The following WWC2 variants were observed in gnomAD, a reference collection of about 807,000 sequenced individuals.
WWC2 encodes WW and C2 domain containing 2.
WWC2 carries 101 observed loss-of-function variants against 138.5 expected under a neutral mutation model. The observed-to-expected ratio is 0.73, with a 90% confidence interval of 0.62 to 0.86. The LOEUF is 0.86. Among genes scored for constraint, WWC2 ranks in the 40% least tolerant of loss-of-function variants. WWC2 has a pLI of 0.00. For missense variants in WWC2, 1,420 were observed against 1,419.4 expected (o/e 1.00, Z -0.01); for synonymous variants, 558 against 538.4 (o/e 1.04, Z -0.50).
intron 4 of WWC2, among the ~76,000 whole-genome samples, chr4:183,215,818 A>T (rs1224681315): frequency 6.6e-6 from 1 of 152,188 alleles, no homozygotes; most frequent in African/African-American, 2.4e-5. Context: ...ATACATCCTA[A>T]TTCTTAAATG....
At chr4:183,265,228 C>T (rs1002823097) in intron 12 of WWC2, 121 bp downstream of exon 12, 12 of 1,335,422 alleles carry the variant, frequency 9.0e-6, no homozygotes, top group African/African-American at 1.5e-5. Flanking sequence ...GGACTTTAGC[C>T]GTTAAAGAAG....
intron 6 of WWC2, among the ~76,000 whole-genome samples, chr4:183,248,457 C>T (rs1736863952): frequency 6.6e-6 from 1 of 152,200 alleles, no homozygotes; most frequent in Non-Finnish European, 1.5e-5. Flanking sequence ...TTTAAAGATA[C>T]CGTTCATAGG....
chr4:183,180,175 A>C (rs983650576), intron 1 of WWC2, among the ~76,000 whole-genome samples: 1 of 152,164 alleles, frequency 6.6e-6, no homozygotes, highest in African/African-American at 2.4e-5. Flanking sequence ...TGCACGTGTT[A>C]AAGATATTTT....
At chr4:183,136,375 C>A (rs1228185392) in intron 1 of WWC2, among the ~76,000 whole-genome samples, 3 of 152,170 alleles carry the variant, frequency 2.0e-5, no homozygotes, top group Non-Finnish European at 2.9e-5. Flanking sequence ...TGTGTCTAAT[C>A]TGCTGTGAAA....
intron 1 of WWC2, among the ~76,000 whole-genome samples, chr4:183,101,807 A>G (rs1177688888): frequency 6.6e-6 from 1 of 152,216 alleles, no homozygotes; most frequent in Non-Finnish European, 1.5e-5. Context: ...TCTGAAAGAA[A>G]AACAACTTGA....
At chr4:183,309,304 C>T (rs1030249607) in intron 21 of WWC2, among the ~76,000 whole-genome samples, 16 of 152,138 alleles carry the variant, frequency 1.1e-4, no homozygotes, top group Non-Finnish European at 2.2e-4. Context: ...GGAAACAAGC[C>T]ACACGTTGGG....
intron 1 of WWC2, among the ~76,000 whole-genome samples, chr4:183,172,769 G>T (rs1734332796): frequency 6.6e-6 from 1 of 151,644 alleles, no homozygotes; most frequent in South Asian, 2.1e-4. Context: ...AAATTTTCTT[G>T]CACTAGTATT....
intron 1 of WWC2, among the ~76,000 whole-genome samples, chr4:183,144,975 A>G (rs747548322): frequency 6.6e-6 from 1 of 152,216 alleles, no homozygotes; most frequent in Non-Finnish European, 1.5e-5. Context: ...AGAAATCACA[A>G]CCTAAGGGAG....
intron 4 of WWC2, among the ~76,000 whole-genome samples, chr4:183,221,517 G>C (rs892252653): frequency 2.0e-5 from 3 of 152,090 alleles, no homozygotes; most frequent in Non-Finnish European, 4.4e-5. Flanking sequence ...ATGAAAAGAA[G>C]TCTCAGTACA....
chr4:183,295,143 C>T (rs1457276016), intron 21 of WWC2, among the ~76,000 whole-genome samples: 3 of 152,172 alleles, frequency 2.0e-5, no homozygotes, highest in Non-Finnish European at 2.9e-5. Flanking sequence ...TAAAAACACA[C>T]ACACACCTCC....
chr4:183,147,429 G>A (rs774404798), intron 1 of WWC2, among the ~76,000 whole-genome samples: 19 of 152,168 alleles, frequency 1.2e-4, no homozygotes, highest in Non-Finnish European at 2.1e-4. Context: ...CTGCACAACA[G>A]GGTGAAGCTT....
Position 183,284,337 on chromosome 4 carries a change from A to G in WWC2, c.2995A>G (p.Ile999Val). 1.2e-6 allele frequency: 2 copies of G among 1,613,908 alleles called. No individual in the cohort carries two copies. Among genetic ancestry groups the G allele is most frequent in the South Asian group, 1.1e-5 (1 of 91,072 alleles). ...GCATCCGTTTGTGAGGAGCAGTGTG[A>G]TAGTGCGCTCACAGACCTTTTCTCC... ...RQHPFVRSSV[I>V]VRSQTFSPGE... The change falls in exon 19 of 23, where the codon ATA (isoleucine) becomes GTA (valine). Residue 999 changes from isoleucine (I) to valine (V), a missense_variant. Coordinates refer to ENST00000403733, the MANE Select transcript of WWC2 (RefSeq NM_024949.6).
At chr4:183,239,691 G>C (rs1434117567) in intron 4 of WWC2, among the ~76,000 whole-genome samples, 2 of 152,064 alleles carry the variant, frequency 1.3e-5, no homozygotes, top group East Asian at 1.9e-4. Flanking sequence ...GGGCAGGGGG[G>C]CTAGAGAAGT....
intron 4 of WWC2, among the ~76,000 whole-genome samples, chr4:183,221,912 T>C (rs1411364951): frequency 6.6e-6 from 1 of 152,188 alleles, no homozygotes; most frequent in African/African-American, 2.4e-5. Flanking sequence ...TTACCCAATA[T>C]AAATGAAAGC....
intron 1 of WWC2, among the ~76,000 whole-genome samples, chr4:183,174,480 T>C (rs921776245): frequency 4.6e-5 from 7 of 152,190 alleles, no homozygotes; most frequent in Admixed American, 3.9e-4. Flanking sequence ...CTTCCCACCG[T>C]CCCAAATTTT....
rs896054250 is a variant in WWC2 at position 183,144,471 on chromosome 4, A to G, written c.131+44849A>G. On this transcript the variant is annotated intron_variant, in intron 1 of 22. Coordinates refer to ENST00000403733, the MANE Select transcript of WWC2 (RefSeq NM_024949.6). ...CAATTGCAGGTTGAAAAAAATTACA[A>G]ATTTAGAGACTATAGTGCTAAGAGA... Among the ~76,000 whole-genome samples the G allele has an allele frequency of 3.3e-5, 5 of 152,198 alleles. No homozygotes were observed. The East Asian group carries it at 9.6e-4, about 29-fold the overall frequency.
intron 21 of WWC2, among the ~76,000 whole-genome samples, chr4:183,296,669 C>T (rs1738638220): frequency 6.6e-6 from 1 of 152,018 alleles, no homozygotes; most frequent in Admixed American, 6.6e-5. Flanking sequence ...CACGGTGGCT[C>T]ACGCCTGTAA....
chr4:183,110,743 T>A (rs549336933), intron 1 of WWC2, among the ~76,000 whole-genome samples: 26 of 152,290 alleles, frequency 1.7e-4, no homozygotes, highest in African/African-American at 5.5e-4. Context: ...ACTAAGTAAG[T>A]GTCCCTGGTA....
At chr4:183,250,254 AAAAAG>A (rs1736938045) in intron 8 of WWC2, among the ~76,000 whole-genome samples, 1 of 151,950 alleles carries the variant, frequency 6.6e-6, no homozygotes, top group Non-Finnish European at 1.5e-5. Flanking sequence ...TCCTCTGAGA[AAAAAG>A]AAGCTTTGAG....
Sources: gnomAD v4.1 joint callset for allele counts (sites outside exome capture counted in the v4.1 genomes callset) on GRCh38, gnomAD v4.1.1 for gene constraint, MANE v1.5 for transcripts, NCBI Gene and HGNC (gene_info 2026-07-23, HGNC 2026-07-21) for gene names.